The following GFM1 variants were observed in gnomAD, a reference collection of about 807,000 sequenced individuals.
GFM1 encodes G elongation factor mitochondrial 1.
In GFM1, 62 loss-of-function variants were observed where a neutral mutation model predicts 96.2. That is an observed-to-expected ratio of 0.64 (90% CI 0.53 to 0.80). The LOEUF is 0.80. Ranked by LOEUF, GFM1 falls within the 30% of genes least tolerant of loss-of-function variation. The pLI is 0.00. For missense variants in GFM1, 852 were observed against 916.6 expected (o/e 0.93, Z 0.91); for synonymous variants, 282 against 312.9 (o/e 0.90, Z 1.04).
At chr3:158,682,250 TCA>T (rs1725460206) in intron 14 of GFM1, 93 bp downstream of exon 14, 3 of 1,098,064 alleles carry the variant, frequency 2.7e-6, no homozygotes, top group Non-Finnish European at 4.1e-6. Flanking sequence ...ATGTTGTCTA[TCA>T]CAGTTTGTTT....
At chr3:158,650,251 G>A in intron 5 of GFM1, 2 of 599,398 alleles carry the variant, frequency 3.3e-6, no homozygotes, top group South Asian at 4.0e-5. Flanking sequence ...CAGAGTTTTT[G>A]TTTTTCTTTT....
chr3:158,656,778 A>G (rs1454765683), intron 8 of GFM1: 5 of 152,234 alleles, frequency 3.3e-5, no homozygotes, highest in African/African-American at 9.7e-5. Flanking sequence ...AGTTATAACT[A>G]TGACTTTGAG....
At chr3:158,647,269 G>C (rs1337413631) in intron 4 of GFM1, among the ~76,000 whole-genome samples, 1 of 152,142 alleles carries the variant, frequency 6.6e-6, no homozygotes, top group Non-Finnish European at 1.5e-5. Context: ...AATACCTTGT[G>C]TTTTATTTAG....
chr3:158,654,707 T>G, intron 8 of GFM1, 76 bp downstream of exon 8: 1 of 972,070 alleles, frequency 1.0e-6, no homozygotes, highest in Admixed American at 1.7e-5. Flanking sequence ...TATTACAGAA[T>G]GACTCTGACT....
Position 158,663,232 on chromosome 3 carries a change from A to G in GFM1, c.1380+548A>G, listed in dbSNP as rs1034305010. Among the ~76,000 whole-genome samples the G allele has an allele frequency of 2.0e-5, 3 of 151,946 alleles. No homozygotes were observed. In the East Asian group the frequency reaches 5.8e-4, roughly 29 times the overall value. Reference sequence around the variant, plus strand: ...TGGGTTTGATGTAATTTAGCTTTTAATAAATCCAAAATTGCATGATTAGGT... The same window carrying G: ...TGGGTTTGATGTAATTTAGCTTTTAGTAAATCCAAAATTGCATGATTAGGT... On this transcript the variant is annotated intron_variant, in intron 11 of 17. Transcript: ENST00000486715.
At chr3:158,668,821 T>C (rs1175141497) in intron 13 of GFM1, among the ~76,000 whole-genome samples, 1 of 152,228 alleles carries the variant, frequency 6.6e-6, no homozygotes, top group African/African-American at 2.4e-5. Flanking sequence ...CTTTGGACTC[T>C]TCCTACAATT....
chr3:158,668,910 A>G, intron 13 of GFM1: 1 of 1,218,694 alleles, frequency 8.2e-7, no homozygotes, highest in Non-Finnish European at 1.2e-6. Flanking sequence ...AAATGACTAT[A>G]GGAATACTGT....
intron 13 of GFM1, chr3:158,672,424 T>G (rs1576768917): frequency 6.2e-7 from 1 of 1,614,074 alleles, no homozygotes; most frequent in Non-Finnish European, 8.5e-7. Flanking sequence ...TTGATGTAGT[T>G]CTGTGCCACC....
At chr3:158,655,971 T>C (rs1299681088) in intron 8 of GFM1, 1 of 455,888 alleles carries the variant, frequency 2.2e-6, no homozygotes, top group South Asian at 1.6e-5. Context: ...TGAGAAGTAT[T>C]GGTCAGCTCT....
chr3:158,691,468 C>T lies in GFM1; in HGVS notation c.*1C>T, dbSNP rs143072833. Reference sequence around the variant, plus strand: ...TAAAAAAGGAAAAGCCAAGAACTAACTTTGCTTACTGTGAGTTGACTGACT... The same window carrying T: ...TAAAAAAGGAAAAGCCAAGAACTAATTTTGCTTACTGTGAGTTGACTGACT... On this transcript the variant is annotated 3_prime_UTR_variant, in exon 18 of 18. Coordinates refer to ENST00000486715, the MANE Select transcript of GFM1 (RefSeq NM_024996.7). 6.2e-7 allele frequency: 1 copy of T among 1,613,458 alleles called. No homozygotes were observed. Among genetic ancestry groups the T allele is most frequent in the Admixed American group, 1.7e-5 (1 of 59,990 alleles).
chr3:158,672,615 C>T, intron 13 of GFM1: 2 of 1,009,558 alleles, frequency 2.0e-6, no homozygotes, highest in Non-Finnish European at 2.9e-6. Context: ...CAGTCTTCTT[C>T]CTCAGCTCCT....
chr3:158,679,580 T>C (rs957507761), intron 13 of GFM1, among the ~76,000 whole-genome samples: 3 of 152,206 alleles, frequency 2.0e-5, no homozygotes, highest in African/African-American at 7.2e-5. Flanking sequence ...GATGAAATGG[T>C]TAGTTCTCCT....
chr3:158,679,831 C>A (rs1361187315), intron 13 of GFM1, among the ~76,000 whole-genome samples: 1 of 152,260 alleles, frequency 6.6e-6, no homozygotes, highest in African/African-American at 2.4e-5. Context: ...TCCTGTGTTA[C>A]CACCAGTAGT....
chr3:158,684,698 C>G (rs748108525), intron 15 of GFM1, 30 bp downstream of exon 15: 1 of 1,611,730 alleles, frequency 6.2e-7, no homozygotes, highest in Non-Finnish European at 8.5e-7. Flanking sequence ...CTTAGCCTGT[C>G]TGTTTTCCTG....
At chr3:158,670,392 G>C (rs1724162388) in intron 13 of GFM1, among the ~76,000 whole-genome samples, 1 of 152,182 alleles carries the variant, frequency 6.6e-6, no homozygotes, top group East Asian at 1.9e-4. Flanking sequence ...ATGATTGATT[G>C]GGGAATAAAT....
chr3:158,690,822 A>G (rs1489570494), intron 16 of GFM1, among the ~76,000 whole-genome samples: 1 of 152,236 alleles, frequency 6.6e-6, no homozygotes, highest in African/African-American at 2.4e-5. Context: ...ACATTTTCTC[A>G]GAAGAAGCAC....
At chr3:158,676,350 A>T (rs1045512565) in intron 13 of GFM1, among the ~76,000 whole-genome samples, 1 of 152,218 alleles carries the variant, frequency 6.6e-6, no homozygotes, top group African/African-American at 2.4e-5. Context: ...TACTTTGGTT[A>T]AAAGTGGTGA....
At chr3:158,645,546 T>C in intron 1 of GFM1, 83 bp from the exon 2 acceptor site, 1 of 1,168,952 alleles carries the variant, frequency 8.6e-7, no homozygotes, top group Non-Finnish European at 1.3e-6. Flanking sequence ...CTTGGAGGAA[T>C]AATGTCCACC....
At chr3:158,690,032 T>C in intron 15 of GFM1, 131 bp from the exon 16 acceptor site, 1 of 752,206 alleles carries the variant, frequency 1.3e-6, no homozygotes, top group East Asian at 2.6e-5. Context: ...TGAGTCTAGG[T>C]CGAATATTTT....
Sources: gnomAD v4.1 joint callset for allele counts (sites outside exome capture counted in the v4.1 genomes callset) on GRCh38, gnomAD v4.1.1 for gene constraint, MANE v1.5 for transcripts, NCBI Gene and HGNC (gene_info 2026-07-23, HGNC 2026-07-21) for gene names.